The following FLRT2 variants were observed in gnomAD, a reference collection of about 807,000 sequenced individuals.
FLRT2 encodes the protein fibronectin leucine rich transmembrane protein 2.
Under a neutral mutation model 40.0 loss-of-function variants are expected in FLRT2, and 15 were observed. The observed-to-expected ratio is 0.38, with a 90% CI of 0.25 to 0.58. The LOEUF (loss-of-function observed/expected upper bound fraction) is 0.58. Among genes scored for constraint, FLRT2 ranks in the 20% least tolerant of loss-of-function variants. FLRT2 has a pLI of 0.71. For synonymous variants in FLRT2, 380 were observed against 336.8 expected (o/e 1.13, Z -1.41); for missense variants, 726 against 840.0 (o/e 0.86, Z 1.68).
rs187728496 is a variant in FLRT2 at position 85,574,202 on chromosome 14, T to A, written c.-377+43668T>A. Reference sequence around the variant, plus strand: ...ATTATTTTGTTATTAGGGTTGATAGTTTTAATACATAAAAATAGAGGATAA... The same window carrying A: ...ATTATTTTGTTATTAGGGTTGATAGATTTAATACATAAAAATAGAGGATAA... On this transcript the variant is annotated intron_variant, in intron 1 of 1. Transcript: ENST00000330753. 7.7e-4 allele frequency among the ~76,000 whole-genome samples: 117 copies of A among 152,024 alleles called. 3 individuals carry two copies. In the South Asian group the frequency reaches 0.016, roughly 21 times the overall value.
intron 1 of FLRT2, among the ~76,000 whole-genome samples, chr14:85,578,196 ATATT>A (rs1253537509): frequency 6.8e-6 from 1 of 145,988 alleles, no homozygotes; most frequent in Non-Finnish European, 1.5e-5. Flanking sequence ...ATATTTATAT[ATATT>A]TATATATAAA....
chr14:85,622,245 A>T lies in FLRT2; in HGVS notation c.731A>T (p.His244Leu). The T allele has an allele frequency of 6.2e-7, 1 of 1,613,744 alleles. No homozygotes were observed. The highest frequency in any genetic ancestry group is 8.5e-7 in the Non-Finnish European group (1 of 1,179,986). Residue 244 changes from histidine (H) to leucine (L), a missense_variant, in exon 2 of 2, where the codon CAC becomes CTC. Transcript: ENST00000330753. ...EFSIVRNSLS[H>L]PPPDLPGTHL... ...TCAATTGTACGTAATTCGCTGTCCC[A>T]CCCTCCTCCCGATCTCCCAGGTACG...
intron 1 of FLRT2, among the ~76,000 whole-genome samples, chr14:85,610,236 A>AT (rs1321005326): frequency 6.6e-6 from 1 of 152,044 alleles, no homozygotes; most frequent in Non-Finnish European, 1.5e-5. Flanking sequence ...GAAAAAAAAA[A>AT]GTGTGGGGAT....
In FLRT2 at chr14:85,622,744, C is replaced by G; in HGVS notation, c.1230C>G (p.Asp410Glu). ...CATCGAAACTTCCCACGATTCCTGA[C>G]TGGGATGGCAGAGAAAGAGTGACCC... is the stretch of plus-strand genomic sequence containing the variant. ...PTTSKLPTIPDWDGRERVTPP... is the reference protein window; with the variant it reads ...PTTSKLPTIPEWDGRERVTPP... Residue 410 changes from aspartate to glutamate, a missense_variant, in exon 2 of 2, where the codon GAC (aspartate) becomes GAG (glutamate). Physicochemically the swap from Asp to Glu is conservative, Grantham distance 45 (BLOSUM62 2). This residue lies in a region of FLRT2 where 611 missense variants were observed against 690.0 expected (regional missense o/e 0.89). Coordinates refer to ENST00000330753, the MANE Select transcript of FLRT2 (RefSeq NM_013231.6). The G allele has an allele frequency of 6.2e-7, 1 of 1,614,102 alleles. No individual in the cohort carries two copies. Among genetic ancestry groups the G allele is most frequent in the Non-Finnish European group, 8.5e-7 (1 of 1,180,014 alleles).
rs760755249 is a variant in FLRT2, at chr14:85,623,458, C to T, written c.1944C>T (p.Cys648=). The T allele has an allele frequency of 6.8e-6, 10 of 1,464,102 alleles. No homozygotes were observed. Among genetic ancestry groups the T allele is most frequent in the South Asian group, 1.6e-5 (1 of 61,644 alleles). The allele number at this position is 1,464,102 out of a possible 1,614,324, so 90.7% of individuals were successfully genotyped here. ...DCHIPNNMRY[C]NSSVPDLEHC... is the part of the protein sequence containing the mutation. The stretch of plus-strand genomic sequence containing the variant: ...ATATCCCCAACAACATGCGATACTG[C>T]AACAGCAGCGTGCCAGACCTGGAGC... The change falls in exon 2 of 2, where the codon TGC becomes TGT. Residue 648 remains cysteine, a synonymous_variant. Transcript: ENST00000330753.
intron 1 of FLRT2, among the ~76,000 whole-genome samples, chr14:85,613,687 A>G (rs1892999063): frequency 6.6e-6 from 1 of 152,142 alleles, no homozygotes; most frequent in African/African-American, 2.4e-5. Context: ...GTATGGCTGT[A>G]GGCTCTGGGG....
chr14:85,577,926 G>A (rs1211668597), intron 1 of FLRT2, among the ~76,000 whole-genome samples: 2 of 151,494 alleles, frequency 1.3e-5, no homozygotes, highest in African/African-American at 2.4e-5. Flanking sequence ...GGACTTGCGC[G>A]AGAAGGTCGT....
At chr14:85,599,689 CTCT>C (rs1892299663) in intron 1 of FLRT2, among the ~76,000 whole-genome samples, 1 of 152,176 alleles carries the variant, frequency 6.6e-6, no homozygotes, top group Non-Finnish European at 1.5e-5. Flanking sequence ...CTCCTTCTCT[CTCT>C]TTTCTTTCCT....
intron 1 of FLRT2, among the ~76,000 whole-genome samples, chr14:85,601,663 GT>G (rs1412146997): frequency 2.0e-5 from 3 of 152,216 alleles, no homozygotes; most frequent in Admixed American, 2.0e-4. Flanking sequence ...CTGAGCCTCA[GT>G]TTGGTCGCTT....
Position 85,651,926 on chromosome 14 carries a change from C to A in FLRT2, c.*28429C>A. 1 of 152,024 alleles carries A rather than the reference C, an allele frequency of 6.6e-6. No homozygotes were observed. The highest frequency in any genetic ancestry group is 1.9e-4 in the East Asian group (1 of 5,186). 9.4% of individuals were successfully genotyped at this position (152,024 alleles called of 1,614,324 possible). ...TTTCAAACATATTATTGGTCATCAT[C>A]ACCTGCCTATTAAATATGCTTTCCC... On this transcript the variant is annotated 3_prime_UTR_variant, in exon 2 of 2. Transcript: ENST00000330753.
In FLRT2 at chr14:85,636,089, A is replaced by C. The variant is rs562333053; in HGVS notation, c.*12592A>C. 2.0e-5 allele frequency: 3 copies of C among 152,134 alleles called. No homozygotes were observed. The East Asian group carries it at 5.8e-4, about 29-fold the overall frequency. The allele number at this position is 152,134 out of a possible 1,614,324, so 9.4% of individuals were successfully genotyped here. A position where few individuals can be genotyped will look rare whatever the true frequency, so the allele number is the denominator to read the frequency against. ...ATTACCTGTTCTTTCATAAGCTGTTATTTATGCTTCTCATTAATTAGTTCT... is the reference window on the plus strand; with the variant it reads ...ATTACCTGTTCTTTCATAAGCTGTTCTTTATGCTTCTCATTAATTAGTTCT... On this transcript the variant is annotated 3_prime_UTR_variant, in exon 2 of 2. Transcript: ENST00000330753.
chr14:85,552,987 A>T (rs1889733273), intron 1 of FLRT2: 1 of 152,064 alleles, frequency 6.6e-6, no homozygotes, highest in Admixed American at 6.6e-5. Flanking sequence ...TCAACATACA[A>T]CTCCTACATT....
chr14:85,561,032 G>C (rs190254372), intron 1 of FLRT2: 1 of 152,036 alleles, frequency 6.6e-6, no homozygotes, highest in African/African-American at 2.4e-5. Context: ...CCTTGTTAAC[G>C]GCTCACTGTC....
chr14:85,562,509 C>T (rs1890398589), intron 1 of FLRT2: 1 of 151,894 alleles, frequency 6.6e-6, no homozygotes, highest in South Asian at 2.1e-4. Context: ...AACTCATGAA[C>T]TCATTCTAAG....
chr14:85,617,317 C>T (rs1054488848), intron 1 of FLRT2, among the ~76,000 whole-genome samples: 12 of 152,256 alleles, frequency 7.9e-5, no homozygotes, highest in Admixed American at 2.0e-4. Flanking sequence ...ATGTTCTTGC[C>T]ATGTACAGAC....
intron 1 of FLRT2, among the ~76,000 whole-genome samples, chr14:85,557,252 G>GTTTT (rs34327470): frequency 6.8e-6 from 1 of 147,724 alleles, no homozygotes; most frequent in Non-Finnish European, 1.5e-5. Flanking sequence ...AATTTCCAGT[G>GTTTT]TTTTTTTTTT....
rs573710521 is a variant in FLRT2, at chr14:85,629,918, G to T, written c.*6421G>T. ...GGCTGCACATTTATCTGATTTGAAG[G>T]TTTCAGATGGAATCAAGATATGTCT... On this transcript the variant is annotated 3_prime_UTR_variant, in exon 2 of 2. Coordinates refer to ENST00000330753, the MANE Select transcript of FLRT2 (RefSeq NM_013231.6). The T allele has an allele frequency of 6.6e-6, 1 of 152,084 alleles. No homozygotes were observed. Among genetic ancestry groups the T allele is most frequent in the African/African-American group, 2.4e-5 (1 of 41,416 alleles). 9.4% of individuals were successfully genotyped at this position (152,084 alleles called of 1,614,324 possible).
At chr14:85,554,415 A>G (rs746939813) in intron 1 of FLRT2, among the ~76,000 whole-genome samples, 10 of 152,200 alleles carry the variant, frequency 6.6e-5, no homozygotes, top group Non-Finnish European at 1.5e-4. Context: ...TCCAGGTTGT[A>G]TAGGATGTAC....
chr14:85,582,907 GT>G (rs1421982775), intron 1 of FLRT2, among the ~76,000 whole-genome samples: 2 of 151,180 alleles, frequency 1.3e-5, no homozygotes, highest in Non-Finnish European at 1.5e-5. Flanking sequence ...TATATATATA[GT>G]TTTTACTATA....
Sources: allele counts gnomAD v4.1 joint callset (sites outside exome capture counted in the v4.1 genomes callset), GRCh38; gene constraint gnomAD v4.1.1; regional missense constraint gnomAD v4.1.1; transcripts MANE v1.5; gene names NCBI Gene and HGNC (gene_info 2026-07-23, HGNC 2026-07-21).